DIAPH3: variants seen among roughly 807,000 people sequenced by gnomAD.
The protein encoded by DIAPH3 is diaphanous related formin 3.
In DIAPH3, 117 loss-of-function variants were observed where a neutral mutation model predicts 144.3. The observed-to-expected ratio is 0.81, with a 90% CI of 0.70 to 0.95. The LOEUF is 0.95. Among genes scored for constraint, DIAPH3 ranks in the 40% least tolerant of loss-of-function variants. The probability of loss-of-function intolerance (pLI) is 0.00; values close to 1 mark genes in which losing one functional copy is unlikely to be tolerated. For synonymous variants in DIAPH3, 519 were observed against 488.9 expected, an observed-to-expected ratio of 1.06 and a Z score of -0.81; for missense variants, 1,421 against 1,412.7, an observed-to-expected ratio of 1.01 and a Z score of -0.09.
intron 24 of DIAPH3, among the ~76,000 whole-genome samples, chr13:59,827,393 A>C (rs1010049691): frequency 6.6e-6 from 1 of 152,168 alleles, no homozygotes; most frequent in Non-Finnish European, 1.5e-5. Flanking sequence ...ACACATTTTT[A>C]ATAAGTATAA....
chr13:59,756,332 A>G (rs1186682195), intron 27 of DIAPH3, among the ~76,000 whole-genome samples: 1 of 152,086 alleles, frequency 6.6e-6, no homozygotes. Context: ...CATAAACTTT[A>G]AAAAAGTTAT....
At chr13:59,847,979 C>T (rs991651782) in intron 22 of DIAPH3, among the ~76,000 whole-genome samples, 6 of 152,174 alleles carry the variant, frequency 3.9e-5, no homozygotes, top group Non-Finnish European at 7.4e-5. Context: ...CGCAGTAAAT[C>T]ATTAGTTTTT....
intron 27 of DIAPH3, among the ~76,000 whole-genome samples, chr13:59,672,004 T>C (rs1421850661): frequency 4.6e-5 from 7 of 152,198 alleles, no homozygotes; most frequent in Non-Finnish European, 1.0e-4. Flanking sequence ...CACTGTTTCT[T>C]GAGAAACACA....
chr13:59,882,439 TA>T (rs2045126790), intron 20 of DIAPH3, among the ~76,000 whole-genome samples: 1 of 152,084 alleles, frequency 6.6e-6, no homozygotes, highest in Admixed American at 6.6e-5. Context: ...TGGAATCAAA[TA>T]AAAAGGGTTA....
At chr13:59,743,419 G>T (rs1397333982) in intron 27 of DIAPH3, among the ~76,000 whole-genome samples, 1 of 152,092 alleles carries the variant, frequency 6.6e-6, no homozygotes, top group African/African-American at 2.4e-5. Flanking sequence ...TTTCCAACAT[G>T]GGGGAGCAAG....
intron 20 of DIAPH3, among the ~76,000 whole-genome samples, chr13:59,891,076 T>C (rs150867863): frequency 1.3e-5 from 2 of 152,144 alleles, no homozygotes; most frequent in African/African-American, 4.8e-5. Flanking sequence ...TTTTCCATTA[T>C]GTTTCCAAAA....
chr13:59,720,678 G>A (rs1246971545), intron 27 of DIAPH3, among the ~76,000 whole-genome samples: 2 of 152,018 alleles, frequency 1.3e-5, no homozygotes, highest in African/African-American at 2.4e-5. Context: ...TCCTCTGTAT[G>A]TGCCTGACAG....
intron 25 of DIAPH3, among the ~76,000 whole-genome samples, chr13:59,776,945 C>A (rs929482745): frequency 1.8e-4 from 26 of 145,278 alleles, no homozygotes; most frequent in Non-Finnish European, 2.9e-4. Flanking sequence ...AACAAACAAA[C>A]AAACAAAAAA....
intron 27 of DIAPH3, among the ~76,000 whole-genome samples, chr13:59,713,758 T>C (rs958952356): frequency 1.3e-5 from 2 of 152,248 alleles, no homozygotes; most frequent in East Asian, 1.9e-4. Flanking sequence ...CCAAGAAAAA[T>C]TCCCCTTCAT....
chr13:59,733,618 T>C (rs1337972670), intron 27 of DIAPH3, among the ~76,000 whole-genome samples: 3 of 152,234 alleles, frequency 2.0e-5, no homozygotes, highest in South Asian at 4.1e-4. Flanking sequence ...GTACCACCAG[T>C]GCCATCGCCC....
intron 17 of DIAPH3, among the ~76,000 whole-genome samples, chr13:59,967,684 A>G (rs72626799): frequency 0.078 from 11,820 of 152,218 alleles, 772 homozygotes; most frequent in East Asian, 0.4. Context: ...TAATTGTCAT[A>G]TATTCTCCTT....
chr13:59,973,086 T>G (rs2050481295), intron 15 of DIAPH3, among the ~76,000 whole-genome samples: 1 of 152,142 alleles, frequency 6.6e-6, no homozygotes, highest in Admixed American at 6.5e-5. Flanking sequence ...TAAACATGGG[T>G]CATCACTGTA....
intron 5 of DIAPH3, among the ~76,000 whole-genome samples, chr13:60,037,975 A>T (rs1188929907): frequency 6.6e-6 from 1 of 152,108 alleles, no homozygotes; most frequent in African/African-American, 2.4e-5. Context: ...AGAAGAATGC[A>T]TGGAAGATGA....
intron 2 of DIAPH3, among the ~76,000 whole-genome samples, chr13:60,122,367 T>G (rs2058869195): frequency 6.6e-6 from 1 of 152,190 alleles, no homozygotes; most frequent in Admixed American, 6.5e-5. Flanking sequence ...TCCTCAAGAC[T>G]GAGTTAGATG....
At chr13:59,667,578 G>A (rs1035951233) in intron 27 of DIAPH3, among the ~76,000 whole-genome samples, 1 of 152,110 alleles carries the variant, frequency 6.6e-6, no homozygotes, top group African/African-American at 2.4e-5. Flanking sequence ...AACTTGGCAA[G>A]CAAATAATTA....
At chr13:60,120,679 T>C (rs892029140) in intron 2 of DIAPH3, among the ~76,000 whole-genome samples, 2 of 152,206 alleles carry the variant, frequency 1.3e-5, no homozygotes, top group Admixed American at 6.5e-5. Flanking sequence ...CCAGCTGTCA[T>C]GCCATGGAGC....
intron 5 of DIAPH3, among the ~76,000 whole-genome samples, chr13:60,018,974 A>G (rs1399423034): frequency 6.6e-6 from 1 of 152,186 alleles, no homozygotes; most frequent in African/African-American, 2.4e-5. Flanking sequence ...ATACTGTTGT[A>G]TTAACAGGTG....
At position 59,807,055 on chromosome 13, in the gene DIAPH3, G is replaced by C. The variant is rs558854392; in HGVS notation, c.3163+3733C>G. Among the ~76,000 whole-genome samples the C allele has an allele frequency of 2.2e-4, 34 of 151,780 alleles. No homozygotes were observed. The South Asian group carries it at 7.1e-3, about 32-fold the overall frequency. Reference sequence around the variant, plus strand: ...TGGAAAAAAGTTGACTGTATTATTTGTGATTTTTTTAAAAATGAAAAAAGT... The same window carrying C: ...TGGAAAAAAGTTGACTGTATTATTTCTGATTTTTTTAAAAATGAAAAAAGT... On this transcript the variant is annotated intron_variant, in intron 25 of 27. Coordinates refer to ENST00000400324, the MANE Select transcript of DIAPH3 (RefSeq NM_001042517.2).
At chr13:59,850,750 C>T (rs922909349) in intron 22 of DIAPH3, among the ~76,000 whole-genome samples, 7 of 151,472 alleles carry the variant, frequency 4.6e-5, no homozygotes, top group African/African-American at 1.5e-4. Context: ...ACAAACACCT[C>T]TACGCAAATA....
Sources: gnomAD v4.1 joint callset for allele counts (sites outside exome capture counted in the v4.1 genomes callset) on GRCh38, gnomAD v4.1.1 for gene constraint, MANE v1.5 for transcripts, NCBI Gene and HGNC (gene_info 2026-07-23, HGNC 2026-07-21) for gene names.